LEPR: variants seen among roughly 807,000 people sequenced by gnomAD.
LEPR encodes the protein leptin receptor, also known as OB receptor.
LEPR carries 56 observed loss-of-function variants against 114.7 expected under a neutral mutation model. The observed-to-expected ratio is 0.49, with a 90% CI of 0.39 to 0.61. LEPR has a LOEUF of 0.61. Ranked by LOEUF, LEPR falls within the 20% of genes least tolerant of loss-of-function variation. LEPR has a pLI of 0.00. For synonymous variants in LEPR, 443 were observed against 461.4 expected (o/e 0.96, Z 0.51); for missense variants, 1,202 against 1,352.9 (o/e 0.89, Z 1.75).
At chr1:65,535,135 ATGCATGTGTG>A (rs1650671775) in intron 2 of LEPR, among the ~76,000 whole-genome samples, 1 of 152,094 alleles carries the variant, frequency 6.6e-6, no homozygotes, top group South Asian at 2.1e-4. Flanking sequence ...CACATATTAT[ATGCATGTGTG>A]TGCATGTGTG....
At chr1:65,618,679 G>T (rs932740667) in intron 16 of LEPR, among the ~76,000 whole-genome samples, 1 of 151,788 alleles carries the variant, frequency 6.6e-6, no homozygotes, top group East Asian at 1.9e-4. Flanking sequence ...TTATACAGGG[G>T]TTATCATATC....
chr1:65,608,941 C>A (rs185228581), intron 12 of LEPR, 40 bp downstream of exon 12: 4 of 1,610,608 alleles, frequency 2.5e-6, no homozygotes, highest in Non-Finnish European at 3.4e-6. Flanking sequence ...TCATTAAATG[C>A]TATTTTTATA....
intron 2 of LEPR, among the ~76,000 whole-genome samples, chr1:65,453,369 G>A (rs1646816779): frequency 6.6e-6 from 1 of 152,088 alleles, no homozygotes; most frequent in African/African-American, 2.4e-5. Flanking sequence ...TAATTGTGAT[G>A]TTAGGGTGTC....
chr1:65,578,005 T>G (rs1654714490), intron 5 of LEPR, among the ~76,000 whole-genome samples: 2 of 151,136 alleles, frequency 1.3e-5, no homozygotes. Context: ...TTCCCCTCCC[T>G]GTGTCCATGT....
intron 2 of LEPR, among the ~76,000 whole-genome samples, chr1:65,558,007 C>T (rs1307984976): frequency 6.6e-6 from 1 of 152,128 alleles, no homozygotes; most frequent in Non-Finnish European, 1.5e-5. Flanking sequence ...GATCACTTAA[C>T]TGAGGAGACC....
Position 65,636,559 on chromosome 1 carries a change from T to C in LEPR, c.3042T>C (p.Ser1014=), listed in dbSNP as rs776216533. 3.1e-6 allele frequency: 5 copies of C among 1,614,090 alleles called. No homozygotes were observed. The highest frequency in any genetic ancestry group is 3.4e-6 in the Non-Finnish European group (4 of 1,179,998). ...LINSSVTKCF[S]SKNSPLKDSF... Reference sequence around the variant, plus strand: ...ATAGTTCAGTCACCAAGTGCTTCTCTAGCAAAAATTCTCCGTTGAAGGATT... The same window carrying C: ...ATAGTTCAGTCACCAAGTGCTTCTCCAGCAAAAATTCTCCGTTGAAGGATT... Residue 1014 remains serine (S), a synonymous_variant, in exon 20 of 20, where the codon TCT becomes TCC. Transcript: ENST00000349533.
chr1:65,635,300 T>C, intron 19 of LEPR: 1 of 981,698 alleles, frequency 1.0e-6, no homozygotes, highest in Non-Finnish European at 1.2e-6. Context: ...TTTTTTTATT[T>C]TGCATTTGTT....
At chr1:65,596,965 C>T (rs1053622308) in intron 7 of LEPR, among the ~76,000 whole-genome samples, 2 of 152,060 alleles carry the variant, frequency 1.3e-5, no homozygotes, top group African/African-American at 4.8e-5. Flanking sequence ...GATCTGTGCA[C>T]ATTCCTGTAA....
chr1:65,472,615 GACACACAC>G (rs77182938), intron 2 of LEPR, among the ~76,000 whole-genome samples: 44,130 of 136,960 alleles, frequency 0.32, 8,173 homozygotes, highest in Non-Finnish European at 0.45. Flanking sequence ...TATATATATA[GACACACAC>G]ACACACACAC....
rs1476027425 is a variant in LEPR, at chr1:65,637,257, T to G, written c.*242T>G. Reference sequence around the variant, plus strand: ...TCCCAAGCTCTAGTGGGAAGGTCCCTTGTTTCCAGCTAGAAATAAGCCCAA... The same window carrying G: ...TCCCAAGCTCTAGTGGGAAGGTCCCGTGTTTCCAGCTAGAAATAAGCCCAA... On this transcript the variant is annotated 3_prime_UTR_variant, in exon 20 of 20. Transcript: ENST00000349533. 2 of 392,232 alleles carry G rather than the reference T, an allele frequency of 5.1e-6. No individual in the cohort carries two copies. The highest frequency in any genetic ancestry group is 9.2e-6 in the Non-Finnish European group (2 of 216,974). 24.3% of individuals were successfully genotyped at this position (392,232 alleles called of 1,614,324 possible). A position where few individuals can be genotyped will look rare whatever the true frequency, so the allele number is the denominator to read the frequency against.
intron 2 of LEPR, among the ~76,000 whole-genome samples, chr1:65,483,116 T>C (rs997620837): frequency 6.6e-6 from 1 of 151,844 alleles, no homozygotes; most frequent in Non-Finnish European, 1.5e-5. Context: ...GATTGGTAAA[T>C]TTGAGCACAT....
rs72311704 is a variant in LEPR, at chr1:65,571,971, CA to C, written c.371-337del. Among the ~76,000 whole-genome samples, 86 of 60,656 alleles carry C rather than the reference CA, an allele frequency of 1.4e-3. No homozygotes were observed. In the Middle Eastern group the frequency reaches 0.035, roughly 25 times the overall value. The allele number at this position is 60,656 out of a possible 152,430, so 39.8% of individuals were successfully genotyped here. A position where few individuals can be genotyped will look rare whatever the true frequency, so the allele number is the denominator to read the frequency against. ...TGGGTGACAGAGTGACACCCCATCT[CA>C]AAAAAAAAAAAAAAAAAGGAAAGAA... is the stretch of plus-strand genomic sequence containing the variant. On this transcript the variant is annotated intron_variant, in intron 4 of 19. Coordinates refer to ENST00000349533, the MANE Select transcript of LEPR (RefSeq NM_002303.6).
At chr1:65,477,582 G>T (rs1647173538) in intron 2 of LEPR, among the ~76,000 whole-genome samples, 2 of 152,222 alleles carry the variant, frequency 1.3e-5, no homozygotes, top group Non-Finnish European at 2.9e-5. Flanking sequence ...TCTGTGGCAG[G>T]CACTTGCAAC....
chr1:65,594,046 T>C (rs1020307301), intron 6 of LEPR, among the ~76,000 whole-genome samples: 3 of 152,134 alleles, frequency 2.0e-5, no homozygotes, highest in Admixed American at 1.3e-4. Flanking sequence ...AGTATTTCCT[T>C]CTATTTGAAT....
intron 19 of LEPR, among the ~76,000 whole-genome samples, chr1:65,632,447 G>A (rs1228968442): frequency 1.3e-5 from 2 of 152,144 alleles, no homozygotes; most frequent in African/African-American, 2.4e-5. Flanking sequence ...TTGTCACAGC[G>A]AGTAGTAAAA....
chr1:65,500,613 A>G (rs1451960001), intron 2 of LEPR, among the ~76,000 whole-genome samples: 4 of 152,180 alleles, frequency 2.6e-5, no homozygotes, highest in African/African-American at 9.6e-5. Context: ...CGATTTTCTG[A>G]ATAACATTTT....
chr1:65,507,506 T>TACAC (rs1157100983), intron 2 of LEPR, among the ~76,000 whole-genome samples: 17 of 136,790 alleles, frequency 1.2e-4, no homozygotes, highest in African/African-American at 4.3e-4. Flanking sequence ...TGTGTATATA[T>TACAC]ATATACATAT....
intron 2 of LEPR, among the ~76,000 whole-genome samples, chr1:65,474,760 C>A (rs1383453685): frequency 6.6e-6 from 1 of 152,056 alleles, no homozygotes; most frequent in Non-Finnish European, 1.5e-5. Flanking sequence ...GTAATCCCAG[C>A]ACTTTGGGAG....
chr1:65,546,205 C>G (rs1651704657), intron 2 of LEPR, among the ~76,000 whole-genome samples: 1 of 152,182 alleles, frequency 6.6e-6, no homozygotes, highest in Non-Finnish European at 1.5e-5. Flanking sequence ...GTTTTGGTTA[C>G]TGTAGCCTTG....
Sources: gnomAD v4.1 joint callset for allele counts (sites outside exome capture counted in the v4.1 genomes callset) on GRCh38, gnomAD v4.1.1 for gene constraint, MANE v1.5 for transcripts, NCBI Gene and HGNC (gene_info 2026-07-23, HGNC 2026-07-21) for gene names.